Variants in TSC22D1 observed in about 807,000 individuals in gnomAD.
TSC22D1 encodes TSC22 domain family member 1.
TSC22D1 carries 9 observed loss-of-function variants against 74.2 expected under a neutral mutation model. The ratio of observed to expected loss-of-function variants is 0.12; its 90% CI spans 0.07 to 0.21. The LOEUF is 0.21. Ranked by LOEUF, TSC22D1 falls within the 10% of genes least tolerant of loss-of-function variation. The pLI, the probability that TSC22D1 is intolerant of heterozygous loss-of-function variation, is 1.00. For missense variants in TSC22D1, 1,427 were observed against 1,304.7 expected, an observed-to-expected ratio of 1.09 and a Z score of -1.44; for synonymous variants, 586 against 492.5, an observed-to-expected ratio of 1.19 and a Z score of -2.51.
In TSC22D1 at chr13:44,574,512, A is replaced by C. The variant is rs1237436006; in HGVS notation, c.1563T>G (p.Asp521Glu). Residue 521 changes from aspartate (D) to glutamate (E), a missense_variant, in exon 1 of 3, where the codon GAT becomes GAG. By Grantham distance (45) the Asp-to-Glu change is conservative. This residue lies in a region of TSC22D1 where 1,343 missense variants were observed against 1,191.5 expected (regional missense o/e 1.13). Coordinates refer to ENST00000458659, the MANE Select transcript of TSC22D1 (RefSeq NM_183422.4). ...TACTCTGTGGACCAGTGCTACCAAA[A>C]TCCATCTGTTGGAGGGTCACACCTT... ...ALQGVTLQQM[D>E]FGSTGPQSIP... The C allele has an allele frequency of 2.5e-6, 4 of 1,613,998 alleles. No individual in the cohort carries two copies. The African/African-American group carries it at 5.3e-5, about 22-fold the overall frequency.
rs1226041300 is a variant in TSC22D1, at chr13:44,437,271, G to A, written c.2913-1176C>T. 3 of 985,298 alleles carry A rather than the reference G, an allele frequency of 3.0e-6. No homozygotes were observed. In the African/African-American group the frequency reaches 5.2e-5, roughly 17 times the overall value. 61.0% of individuals were successfully genotyped at this position (985,298 alleles called of 1,614,324 possible). A position where few individuals can be genotyped will look rare whatever the true frequency, so the allele number is the denominator to read the frequency against. ...TGTAACCCGAACCGTCTGAGCTACTGGGCATGCCCAGTCCCACCACTGTAA... is the reference window on the plus strand; with the variant it reads ...TGTAACCCGAACCGTCTGAGCTACTAGGCATGCCCAGTCCCACCACTGTAA... On this transcript the variant is annotated intron_variant, in intron 1 of 2. Coordinates refer to ENST00000458659, the MANE Select transcript of TSC22D1 (RefSeq NM_183422.4).
chr13:44,575,752 T>C lies in TSC22D1; in HGVS notation c.323A>G (p.Lys108Arg). 1.2e-6 allele frequency: 2 copies of C among 1,614,230 alleles called. No homozygotes were observed. The highest frequency in any genetic ancestry group is 1.7e-6 in the Non-Finnish European group (2 of 1,180,044). Reference protein sequence around the residue: ...LAPGGTQMKKKSGFQITSVTP... With the variant: ...LAPGGTQMKKRSGFQITSVTP... The stretch of plus-strand genomic sequence containing the variant: ...AACGCTAGTTATCTGGAAGCCACTT[T>C]TCTTTTTCATTTGAGTTCCGCCTGG... The change falls in exon 1 of 3, where the codon AAA (lysine) becomes AGA (arginine). Residue 108 changes from lysine to arginine, a missense_variant. Physicochemically the swap from Lys to Arg is conservative, Grantham distance 26. This residue lies in a region of TSC22D1 where 1,343 missense variants were observed against 1,191.5 expected (regional missense o/e 1.13). Transcript: ENST00000458659.
intron 1 of TSC22D1, chr13:44,536,627 T>C (rs1311173083): frequency 1.7e-6 from 1 of 578,886 alleles, no homozygotes; most frequent in Non-Finnish European, 2.2e-6. Flanking sequence ...AATGTTCTTC[T>C]GGGTAAAGGA....
At chr13:44,481,597 T>A (rs538213780) in intron 1 of TSC22D1, among the ~76,000 whole-genome samples, 57 of 152,338 alleles carry the variant, frequency 3.7e-4, no homozygotes, top group Middle Eastern at 6.8e-3. Flanking sequence ...AAGCATCTAC[T>A]ATGCTCAGGA....
chr13:44,451,883 G>A (rs1007810127), intron 1 of TSC22D1, among the ~76,000 whole-genome samples: 8 of 152,154 alleles, frequency 5.3e-5, no homozygotes, highest in African/African-American at 1.7e-4. Flanking sequence ...TAGGACATCC[G>A]CCATGGCTGA....
chr13:44,531,573 A>C (rs537836977), intron 1 of TSC22D1, among the ~76,000 whole-genome samples: 1 of 149,752 alleles, frequency 6.7e-6, no homozygotes, highest in Non-Finnish European at 1.5e-5. Flanking sequence ...GTAGGTATGT[A>C]AATGTTTGTT....
intron 1 of TSC22D1, chr13:44,436,777 G>T: frequency 6.8e-7 from 1 of 1,463,192 alleles, no homozygotes; most frequent in Non-Finnish European, 9.0e-7. Context: ...TCTAGGGCTT[G>T]ATGATCCCAG....
chr13:44,478,273 G>A (rs1266097336), intron 1 of TSC22D1, among the ~76,000 whole-genome samples: 2 of 151,990 alleles, frequency 1.3e-5, no homozygotes, highest in African/African-American at 4.8e-5. Context: ...GTTTTATACA[G>A]AAAAAATACA....
chr13:44,566,694 A>G (rs371046193), intron 1 of TSC22D1, among the ~76,000 whole-genome samples: 5 of 152,186 alleles, frequency 3.3e-5, no homozygotes, highest in African/African-American at 7.2e-5. Context: ...CAGAAAAGCA[A>G]TTTGTTAAGA....
intron 1 of TSC22D1, among the ~76,000 whole-genome samples, chr13:44,511,216 T>C (rs552624539): frequency 6.6e-6 from 1 of 151,990 alleles, no homozygotes; most frequent in East Asian, 1.9e-4. Flanking sequence ...GCCCGGGAGG[T>C]TGCAGCTGCA....
intron 1 of TSC22D1, among the ~76,000 whole-genome samples, chr13:44,523,923 A>G (rs180990569): frequency 6.6e-6 from 1 of 152,306 alleles, no homozygotes; most frequent in Admixed American, 6.5e-5. Flanking sequence ...AGGAAAGATA[A>G]AATACAAAAG....
At position 44,573,703 on chromosome 13, in the gene TSC22D1, G is replaced by C. The variant is rs1437016361; in HGVS notation, c.2372C>G (p.Ala791Gly). ...CACAGTTAACAAGGAACTTTGGGAT[G>C]CAATAACCAATTGTTGAGGAAGGCT... ...APSLPQQLVI[A>G]SQSSLLTVPP... Residue 791 changes from alanine (A) to glycine (G), a missense_variant, in exon 1 of 3, where the codon GCA becomes GGA. Physicochemically the swap from Ala to Gly is moderately conservative, Grantham distance 60. Coordinates refer to ENST00000458659, the MANE Select transcript of TSC22D1 (RefSeq NM_183422.4). The C allele has an allele frequency of 1.2e-5, 20 of 1,614,214 alleles. No individual in the cohort carries two copies. Among genetic ancestry groups the C allele is most frequent in the Non-Finnish European group, 1.7e-5 (20 of 1,180,050 alleles).
Position 44,573,730 on chromosome 13 carries a change from G to A in TSC22D1, c.2345C>T (p.Pro782Leu). Residue 782 changes from proline (P) to leucine (L), a missense_variant, in exon 1 of 3, where the codon CCA becomes CTA. Physicochemically the swap from Pro to Leu is moderately conservative, Grantham distance 98 (BLOSUM62 -3). This residue lies in a region of TSC22D1 where 1,343 missense variants were observed against 1,191.5 expected (regional missense o/e 1.13). Transcript: ENST00000458659. ...AATAACCAATTGTTGAGGAAGGCTTGGAGCACTAGTTTGAACTCCCTGATG... is the reference window on the plus strand; with the variant it reads ...AATAACCAATTGTTGAGGAAGGCTTAGAGCACTAGTTTGAACTCCCTGATG... ...IIHQGVQTSA[P>L]SLPQQLVIAS... 1.2e-6 allele frequency: 2 copies of A among 1,614,216 alleles called. No individual in the cohort carries two copies. Among genetic ancestry groups the A allele is most frequent in the Non-Finnish European group, 1.7e-6 (2 of 1,180,042 alleles).
rs533304565 is a variant in TSC22D1, at chr13:44,480,997, G to A, written c.2913-44902C>T. 2.6e-5 allele frequency among the ~76,000 whole-genome samples: 4 copies of A among 152,262 alleles called. No individual in the cohort carries two copies. In the South Asian group the frequency reaches 8.3e-4, roughly 32 times the overall value. ...AAGAAAACCTACTATAAAAAGAAGG[G>A]AGGCCAAGCAACAGAACCTAGGGAA... On this transcript the variant is annotated intron_variant, in intron 1 of 2. Coordinates refer to ENST00000458659, the MANE Select transcript of TSC22D1 (RefSeq NM_183422.4).
At chr13:44,498,380 G>C (rs1187673108) in intron 1 of TSC22D1, among the ~76,000 whole-genome samples, 1 of 152,070 alleles carries the variant, frequency 6.6e-6, no homozygotes, top group Non-Finnish European at 1.5e-5. Context: ...ACTTCTGCCT[G>C]GGATACTCTT....
At chr13:44,533,913 T>G (rs1880995431) in intron 1 of TSC22D1, among the ~76,000 whole-genome samples, 1 of 152,198 alleles carries the variant, frequency 6.6e-6, no homozygotes, top group Admixed American at 6.5e-5. Context: ...TATCACTTTT[T>G]CTACATCAAA....
At chr13:44,562,737 C>A (rs1883127392) in intron 1 of TSC22D1, among the ~76,000 whole-genome samples, 1 of 152,156 alleles carries the variant, frequency 6.6e-6, no homozygotes, top group Admixed American at 6.5e-5. Flanking sequence ...TTCGCATTTA[C>A]CTGGACTTCT....
At position 44,434,583 on chromosome 13, in the gene TSC22D1, T is replaced by C; in HGVS notation, c.*43A>G. The C allele has an allele frequency of 1.3e-6, 2 of 1,508,144 alleles. No homozygotes were observed. Among genetic ancestry groups the C allele is most frequent in the South Asian group, 2.7e-5 (2 of 73,404 alleles). The allele number at this position is 1,508,144 out of a possible 1,614,324, so 93.4% of individuals were successfully genotyped here. On this transcript the variant is annotated 3_prime_UTR_variant, in exon 3 of 3. Coordinates refer to ENST00000458659, the MANE Select transcript of TSC22D1 (RefSeq NM_183422.4). ...CTCCCTAGCACATCTTCTCCGTCTG[T>C]TCAGTTCACACGCAGCAGCCAGTTC...
chr13:44,457,250 G>A (rs549821660), intron 1 of TSC22D1, among the ~76,000 whole-genome samples: 15 of 152,266 alleles, frequency 9.9e-5, no homozygotes, highest in Admixed American at 6.5e-4. Flanking sequence ...ACCTCAGTTC[G>A]GCACGTTTGT....
Sources: gnomAD v4.1 joint callset for allele counts (sites outside exome capture counted in the v4.1 genomes callset) on GRCh38, gnomAD v4.1.1 for gene constraint, gnomAD v4.1.1 regional missense constraint, MANE v1.5 for transcripts, NCBI Gene and HGNC (gene_info 2026-07-23, HGNC 2026-07-21) for gene names.